Variants in KCNIP4 observed in about 807,000 individuals in gnomAD.
KCNIP4 encodes Kv channel-interacting protein 4.
A neutral mutation model predicts 34.0 loss-of-function variants in KCNIP4; 12 were observed. The ratio of observed to expected loss-of-function variants is 0.35; its 90% CI spans 0.23 to 0.57. The LOEUF is 0.57. KCNIP4 is among the 20% of genes least tolerant of loss of function. The pLI is 0.83. For missense variants in KCNIP4, 238 were observed against 311.7 expected (o/e 0.76, Z 1.78); for synonymous variants, 124 against 102.2 (o/e 1.21, Z -1.29).
chr4:21,593,945 T>C (rs1742421912), intron 1 of KCNIP4, among the ~76,000 whole-genome samples: 1 of 152,138 alleles, frequency 6.6e-6, no homozygotes, highest in South Asian at 2.1e-4. Context: ...ACAGGAATCA[T>C]TTGTGTTCAA....
intron 1 of KCNIP4, among the ~76,000 whole-genome samples, chr4:21,109,652 G>A (rs999090917): frequency 6.6e-6 from 1 of 152,182 alleles, no homozygotes; most frequent in African/African-American, 2.4e-5. Context: ...AGACGAACCT[G>A]GTACCTCAGA....
chr4:21,878,132 G>T (rs1173006216), intron 1 of KCNIP4, among the ~76,000 whole-genome samples: 1 of 152,108 alleles, frequency 6.6e-6, no homozygotes, highest in Non-Finnish European at 1.5e-5. Flanking sequence ...ACTGTAACCA[G>T]TGGTATGGTC....
At position 21,917,401 on chromosome 4, in the gene KCNIP4, C is replaced by T. The variant is rs149789234; in HGVS notation, c.61+31170G>A. Among the ~76,000 whole-genome samples the T allele has an allele frequency of 9.0e-3, 1,372 of 152,242 alleles. 13 individuals are homozygous for T. Among genetic ancestry groups the T allele is most frequent in the South Asian group, 0.031 (150 of 4,814 alleles). On this transcript the variant is annotated intron_variant, in intron 1 of 8. Transcript: ENST00000382152. ...CCACCCACCTTGGCCTCCCAAAGTGCTTGGATTACAGGCATAAACCACCAC... is the reference window on the plus strand; with the variant it reads ...CCACCCACCTTGGCCTCCCAAAGTGTTTGGATTACAGGCATAAACCACCAC...
At chr4:21,065,871 T>A (rs1435796181) in intron 1 of KCNIP4, among the ~76,000 whole-genome samples, 11 of 151,048 alleles carry the variant, frequency 7.3e-5, no homozygotes, top group Admixed American at 1.3e-4. Flanking sequence ...AATCAGATCT[T>A]CCCATCACGA....
chr4:21,768,536 T>C (rs970370933), intron 1 of KCNIP4, among the ~76,000 whole-genome samples: 6 of 152,114 alleles, frequency 3.9e-5, no homozygotes, highest in Non-Finnish European at 7.4e-5. Context: ...TACCTTTGTT[T>C]ACAAAGGATT....
intron 1 of KCNIP4, among the ~76,000 whole-genome samples, chr4:21,649,410 A>G (rs926858099): frequency 1.3e-5 from 2 of 152,180 alleles, no homozygotes; most frequent in African/African-American, 4.8e-5. Context: ...ATGCTATAAG[A>G]AAGAGATAAA....
At chr4:21,175,629 AAG>A (rs1754350362) in intron 1 of KCNIP4, among the ~76,000 whole-genome samples, 1 of 152,188 alleles carries the variant, frequency 6.6e-6, no homozygotes, top group African/African-American at 2.4e-5. Flanking sequence ...TAAATAAAAT[AAG>A]AGTTACTTGA....
At chr4:21,234,476 G>GTATATAATATATAT (rs1759184069) in intron 1 of KCNIP4, among the ~76,000 whole-genome samples, 1 of 65,648 alleles carries the variant, frequency 1.5e-5, no homozygotes, top group South Asian at 3.8e-4. Context: ...ATAATATATA[G>GTATATAATATATAT]TACATATAAC....
chr4:20,795,032 T>C (rs1713267902), intron 3 of KCNIP4, among the ~76,000 whole-genome samples: 1 of 152,212 alleles, frequency 6.6e-6, no homozygotes, highest in Non-Finnish European at 1.5e-5. Context: ...TGCAGTAATT[T>C]ACAGCTTGAT....
intron 1 of KCNIP4, among the ~76,000 whole-genome samples, chr4:21,051,241 G>A (rs9884584): frequency 0.028 from 4,195 of 152,210 alleles, 165 homozygotes; most frequent in African/African-American, 0.095. Context: ...TAAGACCTTT[G>A]CAAGTCATTC....
chr4:21,196,664 A>C (rs1756077629), intron 1 of KCNIP4, among the ~76,000 whole-genome samples: 3 of 152,358 alleles, frequency 2.0e-5, no homozygotes, highest in East Asian at 1.9e-4. Flanking sequence ...TATTTGAATA[A>C]GGAAATTATA....
chr4:21,864,023 G>C (rs1355172946), intron 1 of KCNIP4, among the ~76,000 whole-genome samples: 1 of 152,094 alleles, frequency 6.6e-6, no homozygotes, highest in East Asian at 1.9e-4. Flanking sequence ...TTTTTCCACG[G>C]TAGAAATGTA....
chr4:21,176,439 G>C (rs1055340545), intron 1 of KCNIP4, among the ~76,000 whole-genome samples: 2 of 152,128 alleles, frequency 1.3e-5, no homozygotes, highest in East Asian at 3.9e-4. Context: ...TCATCAAGAA[G>C]GGTGGATGCT....
At chr4:21,931,813 C>G (rs1029826239) in intron 1 of KCNIP4, among the ~76,000 whole-genome samples, 1 of 152,066 alleles carries the variant, frequency 6.6e-6, no homozygotes, top group Non-Finnish European at 1.5e-5. Flanking sequence ...ATTGCTGGGT[C>G]AAATGGTATT....
intron 1 of KCNIP4, among the ~76,000 whole-genome samples, chr4:21,118,576 C>G (rs922885496): frequency 2.0e-5 from 3 of 152,114 alleles, no homozygotes; most frequent in African/African-American, 7.2e-5. Context: ...TGGCTGACTC[C>G]CTTGCTGTAG....
intron 1 of KCNIP4, among the ~76,000 whole-genome samples, chr4:20,962,338 A>C (rs1733929848): frequency 6.6e-6 from 1 of 152,190 alleles, no homozygotes; most frequent in Non-Finnish European, 1.5e-5. Context: ...GAGTCTGCCT[A>C]ATTGTGGACC....
At chr4:21,040,848 C>T (rs140953329) in intron 1 of KCNIP4, among the ~76,000 whole-genome samples, 102 of 149,660 alleles carry the variant, frequency 6.8e-4, no homozygotes, top group African/African-American at 1.9e-3. Flanking sequence ...ATATAAGAAG[C>T]GTTTTTTTTT....
intron 1 of KCNIP4, among the ~76,000 whole-genome samples, chr4:20,969,554 GTT>G (rs1491348342): frequency 2.4e-4 from 35 of 148,206 alleles, no homozygotes; most frequent in African/African-American, 9.0e-4. Flanking sequence ...CTGCGTGTGT[GTT>G]TGTGTGTGTG....
At chr4:21,343,405 T>C (rs984908208) in intron 1 of KCNIP4, among the ~76,000 whole-genome samples, 1 of 152,094 alleles carries the variant, frequency 6.6e-6, no homozygotes, top group Non-Finnish European at 1.5e-5. Flanking sequence ...AAGAAATCTA[T>C]GTACTATGTC....
Sources: gnomAD v4.1 joint callset for allele counts (sites outside exome capture counted in the v4.1 genomes callset) on GRCh38, gnomAD v4.1.1 for gene constraint, MANE v1.5 for transcripts, NCBI Gene and HGNC (gene_info 2026-07-23, HGNC 2026-07-21) for gene names.